Variants in ADAMTS9 observed in about 807,000 individuals in gnomAD.
ADAMTS9 encodes the protein A disintegrin and metalloproteinase with thrombospondin motifs 9.
Under a neutral mutation model 257.1 loss-of-function variants are expected in ADAMTS9, and 107 were observed. The ratio of observed to expected loss-of-function variants is 0.42; its 90% CI spans 0.36 to 0.49. The LOEUF (loss-of-function observed/expected upper bound fraction) is 0.49, where lower values mean the gene tolerates loss of function less well. ADAMTS9 is among the 20% of genes least tolerant of loss of function. ADAMTS9 has a pLI of 0.03. For missense variants in ADAMTS9, 2,353 were observed against 2,469.1 expected (o/e 0.95, Z 1.00); for synonymous variants, 982 against 880.9 (o/e 1.11, Z -2.03).
chr3:64,655,918 T>C, intron 4 of ADAMTS9, 43 bp from the exon 5 acceptor site: 1 of 1,311,698 alleles, frequency 7.6e-7, no homozygotes, highest in African/African-American at 1.5e-5. Flanking sequence ...GTGAACTCCG[T>C]GTAAGCAATA....
At chr3:64,575,207 A>C (rs1341941296) in intron 28 of ADAMTS9, among the ~76,000 whole-genome samples, 2 of 152,170 alleles carry the variant, frequency 1.3e-5, no homozygotes, top group Admixed American at 1.3e-4. Context: ...GCCCCCTGGC[A>C]ATTCACCAAG....
chr3:64,685,995 C>G (rs545463968), intron 2 of ADAMTS9, among the ~76,000 whole-genome samples: 1 of 152,204 alleles, frequency 6.6e-6, no homozygotes, highest in African/African-American at 2.4e-5. Flanking sequence ...GTTCCTGGGA[C>G]GGGACCTGCT....
chr3:64,671,894 T>A (rs931897778), intron 3 of ADAMTS9, among the ~76,000 whole-genome samples: 1 of 152,214 alleles, frequency 6.6e-6, no homozygotes, highest in Non-Finnish European at 1.5e-5. Flanking sequence ...ATGATACAAT[T>A]ATCATAAAGA....
chr3:64,560,129 A>G (rs1369319526), intron 30 of ADAMTS9, among the ~76,000 whole-genome samples: 1 of 152,226 alleles, frequency 6.6e-6, no homozygotes, highest in African/African-American at 2.4e-5. Context: ...TGGATAATCC[A>G]AGGCTCAGAG....
At chr3:64,655,715 T>C in intron 5 of ADAMTS9, 24 bp from the exon 6 acceptor site, 2 of 1,602,998 alleles carry the variant, frequency 1.2e-6, no homozygotes, top group Non-Finnish European at 8.5e-7. Flanking sequence ...AGAATTATGG[T>C]TAATCTGTTG....
chr3:64,525,812 T>A (rs1236951218), intron 38 of ADAMTS9, among the ~76,000 whole-genome samples: 1 of 151,622 alleles, frequency 6.6e-6, no homozygotes, highest in Non-Finnish European at 1.5e-5. Flanking sequence ...GGTTTCACTA[T>A]GTTGGCCAGA....
At position 64,546,953 on chromosome 3, in the gene ADAMTS9, C is replaced by T; in HGVS notation, c.4870-1G>A. The T allele has an allele frequency of 6.2e-7, 1 of 1,603,450 alleles. No homozygotes were observed. Among genetic ancestry groups the T allele is most frequent in the Non-Finnish European group, 8.5e-7 (1 of 1,174,776 alleles). ...AGCCTTTTCCACAGGTCACTGAGCA[C>T]TGCAAAGACAGGGATTGAGAGGAGA... is the stretch of plus-strand genomic sequence containing the variant. On this transcript the variant is annotated splice_acceptor_variant, in intron 31 of 39. Coordinates refer to ENST00000498707, the MANE Select transcript of ADAMTS9 (RefSeq NM_182920.2). LOFTEE classifies it high-confidence loss of function.
At chr3:64,572,676 C>A (rs1354364941) in intron 28 of ADAMTS9, among the ~76,000 whole-genome samples, 1 of 151,962 alleles carries the variant, frequency 6.6e-6, no homozygotes. Flanking sequence ...GCTAAAGATA[C>A]CATAAAGAAC....
intron 31 of ADAMTS9, among the ~76,000 whole-genome samples, chr3:64,549,605 T>C (rs929944527): frequency 6.6e-6 from 1 of 152,024 alleles, no homozygotes; most frequent in Non-Finnish European, 1.5e-5. Context: ...ACCGAGAAGA[T>C]GCAGGGTTGG....
Position 64,615,474 on chromosome 3 carries a change from GC to G in ADAMTS9, c.3035del (p.Ser1012ThrfsTer75). On this transcript the variant is annotated frameshift_variant, in exon 21 of 40. Transcript: ENST00000498707. LOFTEE classifies it high-confidence loss of function. ...RYSAWTECSK[S>X]CDGGTQRRRA... ...TTCTCCTCTGGGTCCCACCGTCACA[GC>G]TTTTTGAACACTGTAGGGACAAAAT... is the stretch of plus-strand genomic sequence containing the variant. The G allele has an allele frequency of 1.2e-6, 2 of 1,613,012 alleles. No homozygotes were observed. The highest frequency in any genetic ancestry group is 1.7e-6 in the Non-Finnish European group (2 of 1,179,574).
At chr3:64,610,065 T>G (rs1171073999) in intron 22 of ADAMTS9, among the ~76,000 whole-genome samples, 2 of 152,168 alleles carry the variant, frequency 1.3e-5, no homozygotes, top group Non-Finnish European at 2.9e-5. Flanking sequence ...GATACCTACA[T>G]GCAAAACCAT....
In ADAMTS9 at chr3:64,615,169, G is replaced by C. The variant is rs575244388; in HGVS notation, c.3189+152C>G. On this transcript the variant is annotated intron_variant, in intron 21 of 39. Transcript: ENST00000498707. ...CATCCAGTACGACAGTCATGGTGCA[G>C]GCAGAGAACTGGAGTTGTTTTCTCA... The C allele has an allele frequency of 1.7e-4, 153 of 893,300 alleles. 1 individual carries two copies. In the Middle Eastern group the frequency reaches 2.5e-3, roughly 14 times the overall value. The allele number at this position is 893,300 out of a possible 1,614,324, so 55.3% of individuals were successfully genotyped here.
intron 37 of ADAMTS9, among the ~76,000 whole-genome samples, chr3:64,535,029 A>C (rs559967918): frequency 6.6e-6 from 1 of 152,298 alleles, no homozygotes; most frequent in East Asian, 1.9e-4. Flanking sequence ...AGGTGATTAG[A>C]CAGAAGGCAC....
At chr3:64,539,429 A>G (rs2083092884) in intron 36 of ADAMTS9, 135 bp from the exon 37 acceptor site, 3 of 740,432 alleles carry the variant, frequency 4.1e-6, no homozygotes, top group East Asian at 2.7e-5. Context: ...AAGCAATGTG[A>G]AATATTAGTG....
chr3:64,662,459 TTCTGCCTGGCTGC>T (rs1394406026), intron 3 of ADAMTS9, among the ~76,000 whole-genome samples: 2 of 152,136 alleles, frequency 1.3e-5, no homozygotes, highest in African/African-American at 4.8e-5. Flanking sequence ...CTTGTCAATC[TTCTGCCTGGCTGC>T]TCTATCCATT....
At chr3:64,678,897 A>G (rs1194688824) in intron 3 of ADAMTS9, among the ~76,000 whole-genome samples, 1 of 152,194 alleles carries the variant, frequency 6.6e-6, no homozygotes. Context: ...CCTTTGGAAG[A>G]GCTGATCAAA....
At chr3:64,622,372 A>G (rs766919190) in intron 17 of ADAMTS9, 45 bp from the exon 18 acceptor site, 20 of 1,612,900 alleles carry the variant, frequency 1.2e-5, no homozygotes, top group Non-Finnish European at 1.4e-5. Context: ...TGGGCTTAGT[A>G]ATGCCAAGCA....
intron 38 of ADAMTS9, among the ~76,000 whole-genome samples, chr3:64,524,161 A>G (rs904184182): frequency 1.3e-5 from 2 of 152,238 alleles, no homozygotes; most frequent in Non-Finnish European, 2.9e-5. Context: ...TTCTGAGCTT[A>G]AACTGCAGTT....
At chr3:64,583,715 A>G (rs1329495010) in intron 28 of ADAMTS9, 1 of 152,184 alleles carries the variant, frequency 6.6e-6, no homozygotes, top group Non-Finnish European at 1.5e-5. Flanking sequence ...GTTCTCAGAA[A>G]GTCCTTCAGC....
Sources: gnomAD v4.1 joint callset for allele counts (sites outside exome capture counted in the v4.1 genomes callset) on GRCh38, gnomAD v4.1.1 for gene constraint, MANE v1.5 for transcripts, NCBI Gene and HGNC (gene_info 2026-07-23, HGNC 2026-07-21) for gene names.